CSGALNACT1: variants seen among roughly 807,000 people sequenced by gnomAD.
The protein encoded by CSGALNACT1 is chondroitin sulfate N-acetylgalactosaminyltransferase 1.
In CSGALNACT1, 52 loss-of-function variants were observed where a neutral mutation model predicts 51.0. That is an observed-to-expected ratio of 1.02 (90% CI 0.82 to 1.29). CSGALNACT1 has a LOEUF of 1.29. Among genes scored for constraint, CSGALNACT1 ranks in the 50% most tolerant of loss-of-function variants. The pLI is 0.00. For missense variants in CSGALNACT1, 935 were observed against 679.2 expected, an observed-to-expected ratio of 1.38 and a Z score of -4.19; for synonymous variants, 341 against 254.4, an observed-to-expected ratio of 1.34 and a Z score of -3.24.
chr8:19,658,788 T>C (rs1354490793), intron 1 of CSGALNACT1, among the ~76,000 whole-genome samples: 3 of 152,068 alleles, frequency 2.0e-5, no homozygotes, highest in East Asian at 1.9e-4. Context: ...CAGCTATGCT[T>C]CTCCATATTT....
At chr8:19,735,638 T>C (rs2063929078) in intron 1 of CSGALNACT1, among the ~76,000 whole-genome samples, 1 of 152,140 alleles carries the variant, frequency 6.6e-6, no homozygotes, top group Admixed American at 6.5e-5. Flanking sequence ...TATGAAGAAC[T>C]ATCAGATAGA....
At chr8:19,665,646 C>T (rs1018376770) in intron 1 of CSGALNACT1, among the ~76,000 whole-genome samples, 1 of 152,152 alleles carries the variant, frequency 6.6e-6, no homozygotes, top group African/African-American at 2.4e-5. Context: ...CCACAGTCCA[C>T]CCAGCACAGA....
intron 5 of CSGALNACT1, among the ~76,000 whole-genome samples, chr8:19,456,534 C>T (rs553418435): frequency 1.3e-5 from 2 of 152,202 alleles, no homozygotes; most frequent in Non-Finnish European, 2.9e-5. Flanking sequence ...TTCAGTCATT[C>T]TGGAGATGTA....
intron 4 of CSGALNACT1, among the ~76,000 whole-genome samples, chr8:19,462,737 G>C (rs1011291598): frequency 6.6e-5 from 10 of 151,710 alleles, no homozygotes; most frequent in Non-Finnish European, 1.2e-4. Flanking sequence ...TTTTTAGCTG[G>C]TTTCTCTATA....
intron 4 of CSGALNACT1, among the ~76,000 whole-genome samples, chr8:19,476,322 TCTGCCTTCCGAGTTCAAGCGATTCTC>T (rs767525865): frequency 1.3e-5 from 2 of 152,300 alleles, no homozygotes; most frequent in Admixed American, 6.5e-5. Flanking sequence ...CACTGCAATC[TCTGCCTTCCGAGTTCAAGCGATTCTC>T]CTGCCTCAGC....
At chr8:19,615,723 TC>T (rs2052910157) in intron 1 of CSGALNACT1, among the ~76,000 whole-genome samples, 1 of 152,070 alleles carries the variant, frequency 6.6e-6, no homozygotes, top group Non-Finnish European at 1.5e-5. Context: ...AGATCTAAAG[TC>T]AAGTGACTCA....
chr8:19,600,043 C>T (rs2050061393), intron 2 of CSGALNACT1, among the ~76,000 whole-genome samples: 1 of 152,166 alleles, frequency 6.6e-6, no homozygotes, highest in Non-Finnish European at 1.5e-5. Context: ...CTTGCTCCAC[C>T]ATGGTTCATT....
chr8:19,433,112 C>G (rs1016060341), intron 6 of CSGALNACT1, among the ~76,000 whole-genome samples: 1 of 152,200 alleles, frequency 6.6e-6, no homozygotes, highest in African/African-American at 2.4e-5. Flanking sequence ...CTTTTCTGAA[C>G]TAATTCTATA....
chr8:19,478,143 G>T (rs1250252771), intron 4 of CSGALNACT1, among the ~76,000 whole-genome samples: 1 of 54,866 alleles, frequency 1.8e-5, no homozygotes, highest in Non-Finnish European at 4.9e-5. Context: ...GGCCGGGTGC[G>T]GTGGCTCACG....
At chr8:19,674,804 G>C (rs1006653180) in intron 1 of CSGALNACT1, among the ~76,000 whole-genome samples, 1 of 152,122 alleles carries the variant, frequency 6.6e-6, no homozygotes, top group African/African-American at 2.4e-5. Context: ...GAAACGCGAA[G>C]AAGTTGTCTG....
chr8:19,499,585 C>CA (rs1318750913), intron 4 of CSGALNACT1, among the ~76,000 whole-genome samples: 2 of 152,168 alleles, frequency 1.3e-5, no homozygotes, highest in African/African-American at 4.8e-5. Context: ...TCTGCAATTG[C>CA]AACAAAATGC....
At chr8:19,608,129 T>C (rs2051658565) in intron 1 of CSGALNACT1, among the ~76,000 whole-genome samples, 2 of 152,302 alleles carry the variant, frequency 1.3e-5, no homozygotes, top group East Asian at 1.9e-4. Context: ...TTCCATCGCA[T>C]AGCTGGCTGA....
intron 1 of CSGALNACT1, among the ~76,000 whole-genome samples, chr8:19,643,372 C>G (rs2056935924): frequency 6.6e-6 from 1 of 152,162 alleles, no homozygotes; most frequent in African/African-American, 2.4e-5. Flanking sequence ...CACAGTGGCT[C>G]ATGCCTGTAA....
At chr8:19,608,103 C>G (rs2051653898) in intron 1 of CSGALNACT1, among the ~76,000 whole-genome samples, 2 of 152,176 alleles carry the variant, frequency 1.3e-5, no homozygotes. Flanking sequence ...CCAAATGTCA[C>G]CTCTCATTGT....
chr8:19,680,769 T>C lies in CSGALNACT1; in HGVS notation c.-544+1704A>G, dbSNP rs112449843. Among the ~76,000 whole-genome samples, 24 of 152,206 alleles carry C rather than the reference T, an allele frequency of 1.6e-4. 2 individuals are homozygous for C. Among genetic ancestry groups the C allele is most frequent in the African/African-American group, 5.8e-4 (24 of 41,546 alleles). ...TCAGCACGTGAACATCAAAATGTAC[T>C]CACACAAACCTACACGGTATTAGGT... On this transcript the variant is annotated intron_variant, in intron 1 of 9. Transcript: ENST00000332246.
chr8:19,591,825 G>T (rs557530054), intron 2 of CSGALNACT1, among the ~76,000 whole-genome samples: 5 of 152,194 alleles, frequency 3.3e-5, no homozygotes, highest in African/African-American at 1.2e-4. Context: ...ATTAGTTTTA[G>T]GGAGAAAATG....
At chr8:19,547,143 G>C (rs1476603413) in intron 3 of CSGALNACT1, among the ~76,000 whole-genome samples, 1 of 152,058 alleles carries the variant, frequency 6.6e-6, no homozygotes, top group Admixed American at 6.6e-5. Context: ...GGACACGAAG[G>C]GCTCCATGAT....
chr8:19,555,798 T>C (rs2089574606), intron 3 of CSGALNACT1, among the ~76,000 whole-genome samples: 1 of 152,226 alleles, frequency 6.6e-6, no homozygotes, highest in African/African-American at 2.4e-5. Flanking sequence ...AAATATAGCA[T>C]GCTTGTCTTG....
At chr8:19,492,693 C>G (rs533089210) in intron 4 of CSGALNACT1, among the ~76,000 whole-genome samples, 1 of 152,342 alleles carries the variant, frequency 6.6e-6, no homozygotes, top group South Asian at 2.1e-4. Context: ...GTCCACGCCA[C>G]TGGCCCGTAG....
Sources: gnomAD v4.1 joint callset for allele counts (sites outside exome capture counted in the v4.1 genomes callset) on GRCh38, gnomAD v4.1.1 for gene constraint, MANE v1.5 for transcripts, NCBI Gene and HGNC (gene_info 2026-07-23, HGNC 2026-07-21) for gene names.